CASK: variants seen among roughly 807,000 people sequenced by gnomAD.
CASK encodes the protein calcium/calmodulin dependent serine protein kinase.
A neutral mutation model predicts 82.9 loss-of-function variants in CASK; 4 were observed. The observed-to-expected ratio is 0.05, with a 90% CI of 0.02 to 0.11. The LOEUF (loss-of-function observed/expected upper bound fraction) is 0.11. CASK is among the 10% of genes least tolerant of loss of function. The pLI is 1.00. For synonymous variants in CASK, 259 were observed against 253.5 expected (o/e 1.02, Z -0.20); for missense variants, 358 against 720.9 (o/e 0.50, Z 5.76).
At chrX:41,903,647 A>G (rs2072421912) in intron 1 of CASK, among the ~76,000 whole-genome samples, 1 of 111,667 alleles carries the variant, frequency 9.0e-6, no homozygotes, top group Non-Finnish European at 1.9e-5. Flanking sequence ...ATTTCTTCAG[A>G]ACATAATCTG....
chrX:41,582,543 GA>G (rs1360048236), intron 14 of CASK, among the ~76,000 whole-genome samples: 1 of 111,232 alleles, frequency 9.0e-6, no homozygotes. Context: ...TCGAACTCCT[GA>G]CCTCGTGATC....
intron 2 of CASK, among the ~76,000 whole-genome samples, chrX:41,816,149 G>A (rs149634891): frequency 0.035 from 3,937 of 111,334 alleles, 75 homozygotes; most frequent in Middle Eastern, 0.098. Context: ...ACTGTGCCCA[G>A]CTAAAAAAAC....
At chrX:41,736,804 T>C (rs1468110282) in intron 5 of CASK, among the ~76,000 whole-genome samples, 1 of 111,935 alleles carries the variant, frequency 8.9e-6, no homozygotes, top group Non-Finnish European at 1.9e-5. Flanking sequence ...AATGTCTTTT[T>C]GTCTCCATAT....
intron 12 of CASK, chrX:41,590,163 CT>C (rs777045009): frequency 1.8e-5 from 2 of 113,493 alleles, no homozygotes; most frequent in East Asian, 5.5e-4. Context: ...AGGACATAAA[CT>C]TTTTTTCTTT....
intron 2 of CASK, among the ~76,000 whole-genome samples, chrX:41,818,575 C>T (rs2070462267): frequency 9.0e-6 from 1 of 110,525 alleles, no homozygotes; most frequent in African/African-American, 3.3e-5. Context: ...TGCACTCCAG[C>T]CTGGGCAACA....
intron 2 of CASK, chrX:41,790,048 G>T (rs2147839142): frequency 4.8e-6 from 1 of 209,075 alleles, no homozygotes; most frequent in Non-Finnish European, 8.3e-6. Context: ...TCCTGCGTCA[G>T]CCTCCTGAAT....
intron 5 of CASK, among the ~76,000 whole-genome samples, chrX:41,681,398 T>A (rs1368967143): frequency 8.9e-6 from 1 of 111,813 alleles, no homozygotes; most frequent in Non-Finnish European, 1.9e-5. Context: ...ATCATAACCA[T>A]AAAATTAACT....
intron 2 of CASK, among the ~76,000 whole-genome samples, chrX:41,838,485 G>A (rs962714811): frequency 1.8e-5 from 2 of 112,254 alleles, no homozygotes; most frequent in African/African-American, 6.5e-5. Flanking sequence ...GCTGGGCATG[G>A]TGGCTCATGC....
At chrX:41,895,514 T>A (rs913982424) in intron 1 of CASK, among the ~76,000 whole-genome samples, 3 of 111,509 alleles carry the variant, frequency 2.7e-5, no homozygotes, top group Admixed American at 9.6e-5. Context: ...AGAGAAGGTG[T>A]CAAGGGAGGG....
intron 2 of CASK, among the ~76,000 whole-genome samples, chrX:41,830,559 G>A (rs2070772178): frequency 9.0e-6 from 1 of 110,917 alleles, no homozygotes; most frequent in East Asian, 2.8e-4. Context: ...GGTGGCTCAC[G>A]CCTGTAATCC....
chrX:41,670,535 C>T (rs144157103), intron 6 of CASK, among the ~76,000 whole-genome samples: 1,246 of 111,369 alleles, frequency 0.011, 5 homozygotes, highest in Non-Finnish European at 0.017. Flanking sequence ...CTGCTTAGGC[C>T]CAGGAGTTTG....
rs775353846 is a variant in CASK, at chrX:41,531,046, G to A, written c.2481C>T (p.His827=). The change falls in exon 25 of 27, where the codon CAC becomes CAT. Residue 827 remains histidine (H), a synonymous_variant. Coordinates refer to ENST00000378163, the MANE Select transcript of CASK (RefSeq NM_001367721.1). ...GTKLETIRKI[H]EQGLIAILDV... ...CCAGTATTGCAATCAGCCCCTGCTCGTGGATCTTCCGGATGGTCTCCAGTT... is the reference window on the plus strand; with the variant it reads ...CCAGTATTGCAATCAGCCCCTGCTCATGGATCTTCCGGATGGTCTCCAGTT... The A allele has an allele frequency of 1.8e-5, 22 of 1,209,938 alleles. No individual in the cohort carries two copies. Among genetic ancestry groups the A allele is most frequent in the East Asian group, 5.9e-5 (2 of 33,772 alleles).
intron 2 of CASK, among the ~76,000 whole-genome samples, chrX:41,825,957 T>C (rs1202289204): frequency 2.7e-5 from 3 of 112,303 alleles, no homozygotes; most frequent in Non-Finnish European, 5.6e-5. Context: ...CAACATGGTA[T>C]GTCCTTATTT....
intron 8 of CASK, 115 bp downstream of exon 8, chrX:41,660,324 G>A: frequency 3.2e-6 from 2 of 631,729 alleles, no homozygotes; most frequent in South Asian, 4.8e-5. Context: ...AAAAACTAAT[G>A]AAAACTGCTC....
intron 1 of CASK, among the ~76,000 whole-genome samples, chrX:41,897,995 G>C (rs1348024696): frequency 8.9e-6 from 1 of 111,886 alleles, no homozygotes; most frequent in African/African-American, 3.2e-5. Context: ...CATAAAATGA[G>C]TTTGGAAGTA....
intron 3 of CASK, among the ~76,000 whole-genome samples, chrX:41,767,641 T>C (rs760833100): frequency 1.2e-4 from 13 of 112,039 alleles, no homozygotes; most frequent in Non-Finnish European, 1.5e-4. Context: ...TAGTCTTTAC[T>C]TGTTTTTCAT....
chrX:41,901,028 G>A (rs142023063), intron 1 of CASK, among the ~76,000 whole-genome samples: 53 of 111,748 alleles, frequency 4.7e-4, no homozygotes, highest in African/African-American at 1.5e-3. Context: ...TTAGAGATGC[G>A]AGACACTGCA....
At chrX:41,530,756 C>T (rs1050179805) in intron 25 of CASK, among the ~76,000 whole-genome samples, 1 of 112,340 alleles carries the variant, frequency 8.9e-6, no homozygotes, top group Non-Finnish European at 1.9e-5. Context: ...CCTTACTGAG[C>T]TTCTGCATAT....
At chrX:41,713,425 T>A (rs1462336442) in intron 5 of CASK, among the ~76,000 whole-genome samples, 1 of 112,336 alleles carries the variant, frequency 8.9e-6, no homozygotes, top group African/African-American at 3.2e-5. Flanking sequence ...AGAAGGGGAC[T>A]GTCCAATTTC....
Sources: gnomAD v4.1 joint callset for allele counts (sites outside exome capture counted in the v4.1 genomes callset) on GRCh38, gnomAD v4.1.1 for gene constraint, MANE v1.5 for transcripts, NCBI Gene and HGNC (gene_info 2026-07-23, HGNC 2026-07-21) for gene names.